SOX12: variants seen among roughly 807,000 people sequenced by gnomAD.
SOX12 encodes the protein transcription factor SOX-12.
Under a neutral mutation model 21.5 loss-of-function variants are expected in SOX12, and 8 were observed. The observed-to-expected ratio is 0.37, with a 90% CI of 0.22 to 0.67. The LOEUF is 0.67. SOX12 is among the 30% of genes least tolerant of loss of function. SOX12 has a pLI of 0.56. For synonymous variants in SOX12, 235 were observed against 224.2 expected (o/e 1.05, Z -0.43); for missense variants, 400 against 482.6 (o/e 0.83, Z 1.60).
rs2122435200 is a variant in SOX12, at chr20:327,316, C to T, written c.*444C>T. 1 of 204,172 alleles carries T rather than the reference C, an allele frequency of 4.9e-6. No homozygotes were observed. The highest frequency in any genetic ancestry group is 1.1e-5 in the Non-Finnish European group (1 of 91,324). 12.6% of individuals were successfully genotyped at this position (204,172 alleles called of 1,614,324 possible). On this transcript the variant is annotated 3_prime_UTR_variant, in exon 1 of 1. Transcript: ENST00000342665. ...CGGGTGGCAACGCACGCGCCTCCTG[C>T]GCCCCTCCCTTCCCTGGGGGGAGGG... is the stretch of plus-strand genomic sequence containing the variant.
Position 329,212 on chromosome 20 carries a change from G to C in SOX12, c.*2340G>C, listed in dbSNP as rs1600208490. 6.0e-6 allele frequency: 1 copy of C among 167,230 alleles called. No individual in the cohort carries two copies. The highest frequency in any genetic ancestry group is 2.4e-5 in the African/African-American group (1 of 41,554). 10.4% of individuals were successfully genotyped at this position (167,230 alleles called of 1,614,324 possible). On this transcript the variant is annotated 3_prime_UTR_variant, in exon 1 of 1. Coordinates refer to ENST00000342665, the MANE Select transcript of SOX12 (RefSeq NM_006943.4). ...AATGAGGACTAAGAAGCAAGATTGG[G>C]CCACACTGTCTGGACTCAAAGCCCA...
chr20:327,758 T>A lies in SOX12; in HGVS notation c.*886T>A, dbSNP rs35681037. The A allele has an allele frequency of 0.053, 8,824 of 167,128 alleles. 312 individuals carry two copies. Among genetic ancestry groups the A allele is most frequent in the African/African-American group, 0.11 (4,652 of 41,506 alleles). 10.4% of individuals were successfully genotyped at this position (167,128 alleles called of 1,614,324 possible). ...GAGAGGTAAGGTCTTTCTCTGGAAA[T>A]CCAGCAGTAGAGGAAGGGACCACCC... On this transcript the variant is annotated 3_prime_UTR_variant, in exon 1 of 1. Coordinates refer to ENST00000342665, the MANE Select transcript of SOX12 (RefSeq NM_006943.4).
At position 326,854 on chromosome 20, in the gene SOX12, C is replaced by G. The variant is rs2122433352; in HGVS notation, c.930C>G (p.Asp310Glu). ...AGDWRPSSIADLVFTY is the reference protein window; with the variant it reads ...AGDWRPSSIAELVFTY ...ACTGGCGCCCGTCTAGCATCGCAGA[C>G]CTGGTTTTCACCTACTGAGCCCACC... Residue 310 changes from aspartate to glutamate, a missense_variant, in exon 1 of 1, where the codon GAC (aspartate) becomes GAG (glutamate). Transcript: ENST00000342665. This position sits in a 1 kb window ranked among gnomAD's most constrained non-coding sequence, Gnocchi z 9.9. The G allele has an allele frequency of 6.2e-7, 1 of 1,613,428 alleles. No homozygotes were observed. The highest frequency in any genetic ancestry group is 8.5e-7 in the Non-Finnish European group (1 of 1,179,888).
chr20:326,188 GT>G lies in SOX12; in HGVS notation c.266del (p.Phe89SerfsTer210). 1 of 1,592,450 alleles carries G rather than the reference GT, an allele frequency of 6.3e-7. No homozygotes were observed. The highest frequency in any genetic ancestry group is 8.5e-7 in the Non-Finnish European group (1 of 1,170,348). On this transcript the variant is annotated frameshift_variant, in exon 1 of 1. Transcript: ENST00000342665. LOFTEE classifies it high-confidence loss of function. The surrounding 1 kb of genome is among the most constrained non-coding windows in gnomAD (Gnocchi z 9.9). ...QLLQDSEKIP[F>X]VREAERLRLK... ...TGCTGCAGGACTCGGAGAAGATCCC[GT>G]TCGTGCGGGAGGCGGAGCGGCTGCG...
Position 325,952 on chromosome 20 carries a change from A to C in SOX12, c.28A>C (p.Lys10Gln). Residue 10 changes from lysine to glutamine, a missense_variant, in exon 1 of 1, where the codon AAG becomes CAG. Lys to Gln is a moderately conservative substitution (Grantham distance 53). Coordinates refer to ENST00000342665, the MANE Select transcript of SOX12 (RefSeq NM_006943.4). The surrounding 1 kb of genome is among the most constrained non-coding windows in gnomAD (Gnocchi z 5.0). ...GGTGCAGCAGCGGGGCGCGAGGGCC[A>C]AGCGGGACGGCGGGCCGCCGCCCCC... MVQQRGARA[K>Q]RDGGPPPPGP... The C allele has an allele frequency of 7.5e-7, 1 of 1,338,126 alleles. No homozygotes were observed. The allele number at this position is 1,338,126 out of a possible 1,614,324, so 82.9% of individuals were successfully genotyped here. A position where few individuals can be genotyped will look rare whatever the true frequency, so the allele number is the denominator to read the frequency against.
chr20:326,461 C>G lies in SOX12; in HGVS notation c.537C>G (p.Val179=), dbSNP rs1293308091. ...DDEELLEVRL[V]ETPGRELWRM... is the part of the protein sequence containing the mutation. ...AGGAGCTGCTGGAAGTGCGCCTGGT[C>G]GAGACCCCGGGGCGGGAGCTGTGGA... is the stretch of plus-strand genomic sequence containing the variant. The change falls in exon 1 of 1, where the codon GTC becomes GTG. Residue 179 remains valine, a synonymous_variant. Coordinates refer to ENST00000342665, the MANE Select transcript of SOX12 (RefSeq NM_006943.4). This position sits in a 1 kb window ranked among gnomAD's most constrained non-coding sequence, Gnocchi z 9.9. 1 of 1,388,816 alleles carries G rather than the reference C, an allele frequency of 7.2e-7. No homozygotes were observed. The highest frequency in any genetic ancestry group is 3.0e-5 in the East Asian group (1 of 33,848). 86.0% of individuals were successfully genotyped at this position (1,388,816 alleles called of 1,614,324 possible).
chr20:325,907 G>A lies in SOX12; in HGVS notation c.-18G>A. 1 of 1,121,636 alleles carries A rather than the reference G, an allele frequency of 8.9e-7. No homozygotes were observed. The highest frequency in any genetic ancestry group is 1.1e-6 in the Non-Finnish European group (1 of 918,918). 69.5% of individuals were successfully genotyped at this position (1,121,636 alleles called of 1,614,324 possible). A position where few individuals can be genotyped will look rare whatever the true frequency, so the allele number is the denominator to read the frequency against. ...GGACGGCCCCCGGCGGCGTCTAGCG[G>A]CCCCGGGCCCAGGCGCGATGGTGCA... On this transcript the variant is annotated 5_prime_UTR_variant, in exon 1 of 1. Coordinates refer to ENST00000342665, the MANE Select transcript of SOX12 (RefSeq NM_006943.4). The surrounding 1 kb of genome is among the most constrained non-coding windows in gnomAD (Gnocchi z 5.0).
Position 329,375 on chromosome 20 carries a change from G to C in SOX12, c.*2503G>C, listed in dbSNP as rs551157171. ...TGCCCATCGTGTTACTCCATTGTCA[G>C]AGGAGGAAACGGGGTCAGGCAGGAA... is the stretch of plus-strand genomic sequence containing the variant. On this transcript the variant is annotated 3_prime_UTR_variant, in exon 1 of 1. Coordinates refer to ENST00000342665, the MANE Select transcript of SOX12 (RefSeq NM_006943.4). 7.5e-4 allele frequency: 126 copies of C among 167,138 alleles called. No individual in the cohort carries two copies. In the South Asian group the frequency reaches 0.019, roughly 25 times the overall value. 10.4% of individuals were successfully genotyped at this position (167,138 alleles called of 1,614,324 possible).
rs1263930496 is a variant in SOX12, at chr20:329,615, C to T, written c.*2743C>T. 6.0e-6 allele frequency: 1 copy of T among 167,128 alleles called. No individual in the cohort carries two copies. The highest frequency in any genetic ancestry group is 2.4e-5 in the African/African-American group (1 of 41,470). 10.4% of individuals were successfully genotyped at this position (167,128 alleles called of 1,614,324 possible). On this transcript the variant is annotated 3_prime_UTR_variant, in exon 1 of 1. Transcript: ENST00000342665. ...GTAGATTAACTGAATGACCAAAGAG[C>T]AACAGAAGTCTAGTGATTCTTGTCT...
chr20:326,527 G>C lies in SOX12; in HGVS notation c.603G>C (p.Glu201Asp). 3 of 1,470,762 alleles carry C rather than the reference G, an allele frequency of 2.0e-6. No individual in the cohort carries two copies. In the East Asian group the frequency reaches 7.7e-5, roughly 38 times the overall value. The allele number at this position is 1,470,762 out of a possible 1,614,324, so 91.1% of individuals were successfully genotyped here. The change falls in exon 1 of 1, where the codon GAG becomes GAC. Residue 201 changes from glutamate (E) to aspartate (D), a missense_variant. By Grantham distance (45) the Glu-to-Asp change is conservative (BLOSUM62 2). Coordinates refer to ENST00000342665, the MANE Select transcript of SOX12 (RefSeq NM_006943.4). This position sits in a 1 kb window ranked among gnomAD's most constrained non-coding sequence, Gnocchi z 9.9. ...PAGRAARGQA[E>D]RAQGPSGEGA... is the part of the protein sequence containing the mutation. ...GACGGGCCGCTCGGGGACAAGCGGA[G>C]CGCGCCCAAGGGCCGTCGGGCGAGG...
At position 327,381 on chromosome 20, in the gene SOX12, T is replaced by C. The variant is rs888501565; in HGVS notation, c.*509T>C. The C allele has an allele frequency of 2.7e-4, 50 of 184,462 alleles. 1 individual carries two copies. Among genetic ancestry groups the C allele is most frequent in the Non-Finnish European group, 8.8e-5 (7 of 79,630 alleles). The allele number at this position is 184,462 out of a possible 1,614,324, so 11.4% of individuals were successfully genotyped here. On this transcript the variant is annotated 3_prime_UTR_variant, in exon 1 of 1. Coordinates refer to ENST00000342665, the MANE Select transcript of SOX12 (RefSeq NM_006943.4). ...TCCCCGGAGCGCTAGGGCCCGCCCC[T>C]CCGCTGGGGCCCACCCCCTTCGTGC...
Position 327,099 on chromosome 20 carries a change from TCGCCCCCTCCTGCACAGCCACCAGCAGCC to T in SOX12, c.*228_*256del. ...CCCGACACCCAAGCCCCTCCCCACG[TCGCCCCCTCCTGCACAGCCACCAGCAGCC>T]AGCCCCCTCCGATACACCTCCCGTC... On this transcript the variant is annotated 3_prime_UTR_variant, in exon 1 of 1. Transcript: ENST00000342665. 1 of 515,412 alleles carries T rather than the reference TCGCCCCCTCCTGCACAGCCACCAGCAGCC, an allele frequency of 1.9e-6. No homozygotes were observed. The highest frequency in any genetic ancestry group is 5.3e-4 in the Middle Eastern group (1 of 1,898). The allele number at this position is 515,412 out of a possible 1,614,324, so 31.9% of individuals were successfully genotyped here.
At position 326,343 on chromosome 20, in the gene SOX12, C is replaced by T. The variant is rs1248945894; in HGVS notation, c.419C>T (p.Pro140Leu). 1.5e-6 allele frequency: 2 copies of T among 1,308,076 alleles called. No individual in the cohort carries two copies. The highest frequency in any genetic ancestry group is 9.7e-7 in the Non-Finnish European group (1 of 1,029,520). 81.0% of individuals were successfully genotyped at this position (1,308,076 alleles called of 1,614,324 possible). ...GGCGGCAGCCGGCTCAAGCCCGGGC[C>T]GCAGCTGCCTGGCCGCGGGGGCCGC... Reference protein sequence around the residue: ...SGGGSRLKPGPQLPGRGGRRA... With the variant: ...SGGGSRLKPGLQLPGRGGRRA... The change falls in exon 1 of 1, where the codon CCG (proline) becomes CTG (leucine). Residue 140 changes from proline to leucine, a missense_variant. Transcript: ENST00000342665. This position sits in a 1 kb window ranked among gnomAD's most constrained non-coding sequence, Gnocchi z 9.9.
rs750188406 is a variant in SOX12 at position 326,901 on chromosome 20, C to T, written c.*29C>T. The T allele has an allele frequency of 6.2e-7, 1 of 1,609,636 alleles. No individual in the cohort carries two copies. The highest frequency in any genetic ancestry group is 8.5e-7 in the Non-Finnish European group (1 of 1,176,840). On this transcript the variant is annotated 3_prime_UTR_variant, in exon 1 of 1. Coordinates refer to ENST00000342665, the MANE Select transcript of SOX12 (RefSeq NM_006943.4). The surrounding 1 kb of genome is among the most constrained non-coding windows in gnomAD (Gnocchi z 9.9). ...CACCGTCAGCGGGGCGCGCACGCCC[C>T]CAAACCAGCTGTTTACATACAGGAA... is the stretch of plus-strand genomic sequence containing the variant.
Position 327,070 on chromosome 20 carries a change from C to T in SOX12, c.*198C>T. 1.6e-6 allele frequency: 1 copy of T among 615,698 alleles called. No homozygotes were observed. Among genetic ancestry groups the T allele is most frequent in the Non-Finnish European group, 2.9e-6 (1 of 339,616 alleles). The allele number at this position is 615,698 out of a possible 1,614,324, so 38.1% of individuals were successfully genotyped here. A position where few individuals can be genotyped will look rare whatever the true frequency, so the allele number is the denominator to read the frequency against. ...CCCCAAGGCAGCCCAACCCCCACCC[C>T]TTCCCCGACACCCAAGCCCCTCCCC... On this transcript the variant is annotated 3_prime_UTR_variant, in exon 1 of 1. Coordinates refer to ENST00000342665, the MANE Select transcript of SOX12 (RefSeq NM_006943.4).
Position 327,124 on chromosome 20 carries a change from C to CT in SOX12, c.*252_*253insT. ...TCGCCCCCTCCTGCACAGCCACCAG[C>CT]AGCCAGCCCCCTCCGATACACCTCC... On this transcript the variant is annotated 3_prime_UTR_variant, in exon 1 of 1. Transcript: ENST00000342665. 1.8e-6 allele frequency: 1 copy of CT among 568,010 alleles called. No homozygotes were observed. Among genetic ancestry groups the CT allele is most frequent in the Non-Finnish European group, 3.2e-6 (1 of 308,330 alleles). The allele number at this position is 568,010 out of a possible 1,614,324, so 35.2% of individuals were successfully genotyped here.
Position 326,877 on chromosome 20 carries a change from A to C in SOX12, c.*5A>C, listed in dbSNP as rs1277388427. The C allele has an allele frequency of 4.8e-5, 77 of 1,612,792 alleles. No individual in the cohort carries two copies. The highest frequency in any genetic ancestry group is 6.0e-5 in the Non-Finnish European group (71 of 1,179,742). ...GACCTGGTTTTCACCTACTGAGCCCACCGTCAGCGGGGCGCGCACGCCCCC... is the reference window on the plus strand; with the variant it reads ...GACCTGGTTTTCACCTACTGAGCCCCCCGTCAGCGGGGCGCGCACGCCCCC... On this transcript the variant is annotated 3_prime_UTR_variant, in exon 1 of 1. Transcript: ENST00000342665. The surrounding 1 kb of genome is among the most constrained non-coding windows in gnomAD (Gnocchi z 9.9).
At position 328,828 on chromosome 20, in the gene SOX12, C is replaced by T. The variant is rs927377789; in HGVS notation, c.*1956C>T. 1.2e-5 allele frequency: 2 copies of T among 167,212 alleles called. No homozygotes were observed. Among genetic ancestry groups the T allele is most frequent in the African/African-American group, 4.8e-5 (2 of 41,448 alleles). The allele number at this position is 167,212 out of a possible 1,614,324, so 10.4% of individuals were successfully genotyped here. A position where few individuals can be genotyped will look rare whatever the true frequency, so the allele number is the denominator to read the frequency against. ...GTGATTTGGGCCCGAGCTGGGTGTCCCAGGGCAAGCCACCTTGCCTGTCTA... is the reference window on the plus strand; with the variant it reads ...GTGATTTGGGCCCGAGCTGGGTGTCTCAGGGCAAGCCACCTTGCCTGTCTA... On this transcript the variant is annotated 3_prime_UTR_variant, in exon 1 of 1. Coordinates refer to ENST00000342665, the MANE Select transcript of SOX12 (RefSeq NM_006943.4).
In SOX12 at chr20:326,185, C is replaced by A; in HGVS notation, c.261C>A (p.Ile87=). 6.3e-7 allele frequency: 1 copy of A among 1,591,202 alleles called. No individual in the cohort carries two copies. Among genetic ancestry groups the A allele is most frequent in the Non-Finnish European group, 8.5e-7 (1 of 1,169,754 alleles). Residue 87 remains isoleucine (I), a synonymous_variant, in exon 1 of 1, where the codon ATC becomes ATA. Coordinates refer to ENST00000342665, the MANE Select transcript of SOX12 (RefSeq NM_006943.4). This position sits in a 1 kb window ranked among gnomAD's most constrained non-coding sequence, Gnocchi z 9.9. The part of the protein sequence containing the change: ...RWQLLQDSEK[I]PFVREAERLR... Reference sequence around the variant, plus strand: ...AGCTGCTGCAGGACTCGGAGAAGATCCCGTTCGTGCGGGAGGCGGAGCGGC... The same window carrying A: ...AGCTGCTGCAGGACTCGGAGAAGATACCGTTCGTGCGGGAGGCGGAGCGGC...
Sources: gnomAD v4.1 joint callset for allele counts on GRCh38, gnomAD v4.1.1 for gene constraint, Gnocchi (gnomAD v3.1) non-coding constraint, MANE v1.5 for transcripts, NCBI Gene and HGNC (gene_info 2026-07-23, HGNC 2026-07-21) for gene names.